The following SGCZ variants were observed in gnomAD, a reference collection of about 807,000 sequenced individuals.
The protein encoded by SGCZ is sarcoglycan zeta.
SGCZ carries 40 observed loss-of-function variants against 41.3 expected under a neutral mutation model. That is an observed-to-expected ratio of 0.97 (90% CI 0.75 to 1.26). The LOEUF is 1.26. Ranked by LOEUF, SGCZ falls within the 50% of genes most tolerant of loss-of-function variation. The probability of loss-of-function intolerance (pLI) is 0.00; values close to 1 mark genes in which losing one functional copy is unlikely to be tolerated. For synonymous variants in SGCZ, 206 were observed against 137.5 expected (o/e 1.50, Z -3.49); for missense variants, 552 against 369.8 (o/e 1.49, Z -4.04).
intron 1 of SGCZ, among the ~76,000 whole-genome samples, chr8:15,210,930 T>C (rs1022419934): frequency 6.6e-6 from 1 of 151,982 alleles, no homozygotes; most frequent in Non-Finnish European, 1.5e-5. Flanking sequence ...ATTCCCTCAG[T>C]CTTCTATTGC....
intron 1 of SGCZ, among the ~76,000 whole-genome samples, chr8:15,071,305 G>C (rs572759615): frequency 6.6e-6 from 1 of 152,204 alleles, no homozygotes; most frequent in Non-Finnish European, 1.5e-5. Flanking sequence ...TGAACAATTA[G>C]CATATATTTC....
rs188528697 is a variant in SGCZ at position 15,117,858 on chromosome 8, C to A, written c.39+119727G>T. Among the ~76,000 whole-genome samples the A allele has an allele frequency of 7.6e-4, 115 of 152,284 alleles. 1 individual carries two copies. In the East Asian group the frequency reaches 0.016, roughly 21 times the overall value. On this transcript the variant is annotated intron_variant, in intron 1 of 7. Transcript: ENST00000382080. ...GGCCAAAAATCTCCACGTATTCAAA[C>A]AAATGCAAAAACTCAATATACATTT... is the stretch of plus-strand genomic sequence containing the variant.
chr8:14,678,072 A>T (rs1357723267), intron 1 of SGCZ, among the ~76,000 whole-genome samples: 1 of 152,204 alleles, frequency 6.6e-6, no homozygotes, highest in Non-Finnish European at 1.5e-5. Context: ...TAAATGGAAA[A>T]CACAGAACTG....
At chr8:14,534,711 A>G (rs978452155) in intron 2 of SGCZ, among the ~76,000 whole-genome samples, 10 of 151,954 alleles carry the variant, frequency 6.6e-5, no homozygotes, top group African/African-American at 2.2e-4. Context: ...CAATTCTGTC[A>G]CCTTCAAACC....
intron 1 of SGCZ, among the ~76,000 whole-genome samples, chr8:14,744,182 G>T (rs1263097254): frequency 6.6e-6 from 1 of 152,128 alleles, no homozygotes; most frequent in Non-Finnish European, 1.5e-5. Context: ...AAAGAAAATG[G>T]AAAAGAGCAG....
At chr8:14,278,861 G>C (rs1051342203) in intron 3 of SGCZ, among the ~76,000 whole-genome samples, 1 of 152,014 alleles carries the variant, frequency 6.6e-6, no homozygotes, top group Admixed American at 6.6e-5. Context: ...AGAAACATGA[G>C]AAATATGTTT....
chr8:14,343,984 A>G (rs1802803827), intron 2 of SGCZ, among the ~76,000 whole-genome samples: 1 of 152,200 alleles, frequency 6.6e-6, no homozygotes, highest in South Asian at 2.1e-4. Context: ...AGAAAAATAT[A>G]TAAGAGGATA....
At chr8:15,015,709 G>C (rs1231520786) in intron 1 of SGCZ, among the ~76,000 whole-genome samples, 7 of 124,556 alleles carry the variant, frequency 5.6e-5, no homozygotes, top group African/African-American at 1.7e-4. Context: ...AAAAAGAAAA[G>C]AAAAAAGAAA....
At chr8:15,180,695 C>T (rs1457792925) in intron 1 of SGCZ, among the ~76,000 whole-genome samples, 1 of 151,944 alleles carries the variant, frequency 6.6e-6, no homozygotes, top group Admixed American at 6.6e-5. Context: ...ACCATCCTGG[C>T]TAACATGTTG....
intron 1 of SGCZ, among the ~76,000 whole-genome samples, chr8:14,924,799 A>G (rs1378067233): frequency 6.6e-6 from 1 of 151,518 alleles, no homozygotes; most frequent in Non-Finnish European, 1.5e-5. Context: ...TATTAACATT[A>G]TCATTGTTTT....
At chr8:14,662,947 C>G (rs2117487639) in intron 1 of SGCZ, among the ~76,000 whole-genome samples, 1 of 152,184 alleles carries the variant, frequency 6.6e-6, no homozygotes, top group South Asian at 2.1e-4. Flanking sequence ...TGACAGCCAG[C>G]AAGAAAACCG....
At chr8:14,526,702 A>G (rs1455749593) in intron 2 of SGCZ, among the ~76,000 whole-genome samples, 1 of 151,992 alleles carries the variant, frequency 6.6e-6, no homozygotes, top group Non-Finnish European at 1.5e-5. Context: ...TAGTAGTTTC[A>G]TTGTTCTGAG....
At chr8:15,068,210 G>A (rs1169402389) in intron 1 of SGCZ, among the ~76,000 whole-genome samples, 2 of 152,196 alleles carry the variant, frequency 1.3e-5, no homozygotes, top group East Asian at 3.8e-4. Context: ...GTACCATTTT[G>A]TGGTAAGTCA....
At position 14,430,239 on chromosome 8, in the gene SGCZ, A is replaced by G. The variant is rs534184220; in HGVS notation, c.235-106035T>C. 1.6e-3 allele frequency among the ~76,000 whole-genome samples: 240 copies of G among 152,236 alleles called. 1 individual carries two copies. The highest frequency in any genetic ancestry group is 5.1e-3 in the African/African-American group (210 of 41,552). ...ATACCAAAACCAGGAAAGGACATAA[A>G]CAAAAAAGAAACCTACAGACCACTA... On this transcript the variant is annotated intron_variant, in intron 2 of 7. Transcript: ENST00000382080.
At chr8:14,134,332 A>T (rs1192537971) in intron 5 of SGCZ, among the ~76,000 whole-genome samples, 1 of 152,204 alleles carries the variant, frequency 6.6e-6, no homozygotes, top group East Asian at 1.9e-4. Flanking sequence ...CAGAGCCAGT[A>T]CATGTATCAT....
chr8:14,377,188 T>C (rs971400782), intron 2 of SGCZ, among the ~76,000 whole-genome samples: 1 of 152,302 alleles, frequency 6.6e-6, no homozygotes, highest in Non-Finnish European at 1.5e-5. Flanking sequence ...GGACTTGAGA[T>C]TGAGTAATCA....
chr8:14,374,118 C>A (rs1327549776), intron 2 of SGCZ, among the ~76,000 whole-genome samples: 4 of 152,140 alleles, frequency 2.6e-5, no homozygotes, highest in African/African-American at 7.2e-5. Flanking sequence ...TGGCTCACAC[C>A]TATAATCCCG....
At chr8:15,193,033 A>T (rs573980111) in intron 1 of SGCZ, among the ~76,000 whole-genome samples, 2 of 152,238 alleles carry the variant, frequency 1.3e-5, no homozygotes, top group African/African-American at 4.8e-5. Context: ...TTTACCACTT[A>T]TAATTGGTGA....
intron 2 of SGCZ, among the ~76,000 whole-genome samples, chr8:14,429,467 G>C (rs1287552360): frequency 3.3e-5 from 5 of 152,164 alleles, no homozygotes; most frequent in Admixed American, 3.3e-4. Flanking sequence ...CAGAGAGAAA[G>C]AGAGTGAGAT....
Sources: gnomAD v4.1 joint callset for allele counts (sites outside exome capture counted in the v4.1 genomes callset) on GRCh38, gnomAD v4.1.1 for gene constraint, MANE v1.5 for transcripts, NCBI Gene and HGNC (gene_info 2026-07-23, HGNC 2026-07-21) for gene names.